The following BCAS3 variants were observed in gnomAD, a reference collection of about 807,000 sequenced individuals.
The protein encoded by BCAS3 is BCAS4/BCAS3 fusion.
BCAS3 carries 53 observed loss-of-function variants against 116.1 expected under a neutral mutation model. The observed-to-expected ratio is 0.46, with a 90% confidence interval of 0.37 to 0.57. The LOEUF is 0.57. BCAS3 is among the 20% of genes least tolerant of loss of function. The probability of loss-of-function intolerance (pLI) is 0.00; values close to 1 mark genes in which losing one functional copy is unlikely to be tolerated. For missense variants in BCAS3, 917 were observed against 1,165.4 expected (o/e 0.79, Z 3.10); for synonymous variants, 391 against 408.2 (o/e 0.96, Z 0.51).
chr17:60,771,785 G>A (rs2044737634), intron 6 of BCAS3, among the ~76,000 whole-genome samples: 1 of 151,308 alleles, frequency 6.6e-6, no homozygotes, highest in Admixed American at 6.6e-5. Flanking sequence ...TCCCAACTAT[G>A]AGTGAGAACA....
chr17:61,089,509 C>CTTTTTTTTTTTTTTTT lies in BCAS3; in HGVS notation c.2425+4968_2425+4983dup, dbSNP rs71370187. ...TTTTTCTTCGAGACGGAGTTTCACT[C>CTTTTTTTTTTTTTTTT]TTTTTTTTTTTTTTTTTTTTTTTTT... On this transcript the variant is annotated intron_variant, in intron 22 of 23. Transcript: ENST00000407086. Among the ~76,000 whole-genome samples the CTTTTTTTTTTTTTTTT allele has an allele frequency of 1.5e-4, 4 of 26,750 alleles. 2 individuals carry two copies. Among genetic ancestry groups the CTTTTTTTTTTTTTTTT allele is most frequent in the Non-Finnish European group, 2.7e-4 (4 of 14,942 alleles). 17.5% of individuals were successfully genotyped at this position (26,750 alleles called of 152,430 possible).
chr17:60,802,295 A>AAAATATATAT (rs1299403402), intron 6 of BCAS3, among the ~76,000 whole-genome samples: 9 of 127,938 alleles, frequency 7.0e-5, no homozygotes, highest in African/African-American at 3.3e-4. Context: ...AAAAAAAAAA[A>AAAATATATAT]ATATATATAT....
Position 61,388,998 on chromosome 17 carries a change from A to G in BCAS3, c.2594-2979A>G, listed in dbSNP as rs1423187689. On this transcript the variant is annotated intron_variant, in intron 23 of 23. Coordinates refer to ENST00000407086, the MANE Select transcript of BCAS3 (RefSeq NM_017679.5). The surrounding 1 kb of genome is among the most constrained non-coding windows in gnomAD (Gnocchi z 6.5). ...CATTCATTCATTCATTCATTCATTC[A>G]TTCATGCTAGAAATGTTTAGGGCAC... The G allele has an allele frequency of 2.7e-6, 1 of 376,242 alleles. No homozygotes were observed. The highest frequency in any genetic ancestry group is 2.3e-5 in the African/African-American group (1 of 44,208). 23.3% of individuals were successfully genotyped at this position (376,242 alleles called of 1,614,324 possible). A position where few individuals can be genotyped will look rare whatever the true frequency, so the allele number is the denominator to read the frequency against.
rs2081566556 is a variant in BCAS3, at chr17:61,213,113, G to GT, written c.2425+128550dup. 6.6e-6 allele frequency among the ~76,000 whole-genome samples: 1 copy of GT among 152,036 alleles called. No individual in the cohort carries two copies. The highest frequency in any genetic ancestry group is 6.6e-5 in the Admixed American group (1 of 15,224). ...ACCAAGCACACTATTTAGCATGTAG[G>GT]TGTTAGTTTCCTTTCCTTGTTAAAT... On this transcript the variant is annotated intron_variant, in intron 22 of 23. Coordinates refer to ENST00000407086, the MANE Select transcript of BCAS3 (RefSeq NM_017679.5). The surrounding 1 kb of genome is among the most constrained non-coding windows in gnomAD (Gnocchi z 5.4).
At chr17:60,759,520 C>A (rs960298690) in intron 6 of BCAS3, among the ~76,000 whole-genome samples, 1 of 151,762 alleles carries the variant, frequency 6.6e-6, no homozygotes, top group African/African-American at 2.4e-5. Context: ...CCCTTTAGAT[C>A]TACTAATATT....
At chr17:60,880,813 A>G (rs954337186) in intron 9 of BCAS3, among the ~76,000 whole-genome samples, 4 of 152,216 alleles carry the variant, frequency 2.6e-5, no homozygotes, top group East Asian at 1.9e-4. Context: ...TGCCATTTGT[A>G]TATCTCTGTC....
intron 22 of BCAS3, among the ~76,000 whole-genome samples, chr17:61,311,004 C>G (rs529828127): frequency 2.0e-5 from 3 of 152,116 alleles, no homozygotes; most frequent in Non-Finnish European, 4.4e-5. Context: ...TTACTTACCT[C>G]TCTGTGCCTC....
intron 14 of BCAS3, among the ~76,000 whole-genome samples, chr17:60,985,776 G>A (rs998412119): frequency 5.3e-5 from 8 of 151,934 alleles, no homozygotes; most frequent in Non-Finnish European, 1.0e-4. Flanking sequence ...TCGCTCTGTC[G>A]CCCAGCCTGG....
At chr17:60,786,607 TG>T (rs1440172783) in intron 6 of BCAS3, among the ~76,000 whole-genome samples, 2 of 151,476 alleles carry the variant, frequency 1.3e-5, no homozygotes, top group Non-Finnish European at 2.9e-5. Flanking sequence ...ATAAAATCTA[TG>T]TATATTACTA....
Position 61,127,052 on chromosome 17 carries a change from G to GA in BCAS3, c.2425+42496dup, listed in dbSNP as rs370862169. Among the ~76,000 whole-genome samples the GA allele has an allele frequency of 3.6e-4, 54 of 151,794 alleles. 1 individual carries two copies. In the East Asian group the frequency reaches 0.01, roughly 29 times the overall value. On this transcript the variant is annotated intron_variant, in intron 22 of 23. Coordinates refer to ENST00000407086, the MANE Select transcript of BCAS3 (RefSeq NM_017679.5). ...AAACATAAACAAAAGAAAAAAGAGA[G>GA]AAAAAAAAGGATACATCTCAGCAGC... is the stretch of plus-strand genomic sequence containing the variant.
chr17:60,835,221 A>G (rs2051269681), intron 7 of BCAS3, among the ~76,000 whole-genome samples: 1 of 151,978 alleles, frequency 6.6e-6, no homozygotes, highest in South Asian at 2.1e-4. Context: ...CTATAAATAT[A>G]TTTTTCTTTT....
chr17:60,902,256 A>G (rs1438727066), intron 10 of BCAS3, among the ~76,000 whole-genome samples: 1 of 152,202 alleles, frequency 6.6e-6, no homozygotes, highest in East Asian at 1.9e-4. Flanking sequence ...ATTTGTTAGC[A>G]TGTCAGATAT....
chr17:61,339,434 A>T lies in BCAS3; in HGVS notation c.2426-28893A>T, dbSNP rs957602936. On this transcript the variant is annotated intron_variant, in intron 22 of 23. Coordinates refer to ENST00000407086, the MANE Select transcript of BCAS3 (RefSeq NM_017679.5). The surrounding 1 kb of genome is among the most constrained non-coding windows in gnomAD (Gnocchi z 4.4). ...GGCATTCTATTCCTTTCTTGACCAG[A>T]CCAAGGCTTTGCAGGTAAACTAGGG... is the stretch of plus-strand genomic sequence containing the variant. 1.2e-4 allele frequency among the ~76,000 whole-genome samples: 18 copies of T among 152,286 alleles called. No individual in the cohort carries two copies. Among genetic ancestry groups the T allele is most frequent in the Admixed American group, 3.3e-4 (5 of 15,294 alleles).
intron 12 of BCAS3, among the ~76,000 whole-genome samples, chr17:60,918,767 A>G (rs982741271): frequency 1.3e-4 from 19 of 145,780 alleles, no homozygotes; most frequent in African/African-American, 4.4e-4. Context: ...ATCTTGGCTC[A>G]CTGCAAGCTC....
intron 22 of BCAS3, among the ~76,000 whole-genome samples, chr17:61,169,777 C>T (rs894219516): frequency 6.6e-6 from 1 of 152,138 alleles, no homozygotes; most frequent in Non-Finnish European, 1.5e-5. Flanking sequence ...GATATGGGAC[C>T]ATTTTTACTT....
chr17:61,152,259 GT>G (rs1196638816), intron 22 of BCAS3, among the ~76,000 whole-genome samples: 3 of 152,146 alleles, frequency 2.0e-5, no homozygotes, highest in Non-Finnish European at 4.4e-5. Context: ...CCCATGTTCT[GT>G]TTTTGTCCTA....
intron 22 of BCAS3, among the ~76,000 whole-genome samples, chr17:61,294,138 C>A (rs1321182790): frequency 6.6e-6 from 1 of 152,128 alleles, no homozygotes. Flanking sequence ...TTTCCAGTCT[C>A]CAAAATAAGT....
intron 7 of BCAS3, among the ~76,000 whole-genome samples, chr17:60,834,247 G>A (rs913073616): frequency 6.6e-6 from 1 of 151,850 alleles, no homozygotes; most frequent in African/African-American, 2.4e-5. Context: ...ATATTTTATT[G>A]TCTTCTTAAT....
chr17:60,940,788 G>C (rs2060183041), intron 13 of BCAS3, among the ~76,000 whole-genome samples: 1 of 152,124 alleles, frequency 6.6e-6, no homozygotes, highest in Non-Finnish European at 1.5e-5. Context: ...TTTTGGAAAA[G>C]AGTGTGAGTA....
Sources: gnomAD v4.1 joint callset for allele counts (sites outside exome capture counted in the v4.1 genomes callset) on GRCh38, gnomAD v4.1.1 for gene constraint, Gnocchi (gnomAD v3.1) non-coding constraint, MANE v1.5 for transcripts, NCBI Gene and HGNC (gene_info 2026-07-23, HGNC 2026-07-21) for gene names.